The following ADD3 variants were observed in gnomAD, a reference collection of about 807,000 sequenced individuals.
ADD3 encodes the protein adducin 3, also known as gamma-adducin.
A neutral mutation model predicts 80.2 loss-of-function variants in ADD3; 25 were observed. The ratio of observed to expected loss-of-function variants is 0.31; its 90% CI spans 0.23 to 0.44. ADD3 has a LOEUF of 0.44. Ranked by LOEUF, ADD3 falls within the 20% of genes least tolerant of loss-of-function variation. The pLI is 1.00. For missense variants in ADD3, 829 were observed against 847.5 expected, an observed-to-expected ratio of 0.98 and a Z score of 0.27; for synonymous variants, 284 against 289.6, an observed-to-expected ratio of 0.98 and a Z score of 0.20.
At chr10:110,091,336 A>G (rs1206905444) in intron 1 of ADD3, among the ~76,000 whole-genome samples, 6 of 152,220 alleles carry the variant, frequency 3.9e-5, no homozygotes, top group Non-Finnish European at 7.3e-5. Context: ...TATTTGTGAG[A>G]AGAACCTTTG....
chr10:110,075,477 G>T (rs1393132246), intron 1 of ADD3: 1 of 152,154 alleles, frequency 6.6e-6, no homozygotes, highest in Non-Finnish European at 1.5e-5. Context: ...CTCTGAATGT[G>T]CAGTATCAAT....
intron 5 of ADD3, among the ~76,000 whole-genome samples, chr10:110,117,892 T>G (rs1235720634): frequency 6.6e-6 from 1 of 152,062 alleles, no homozygotes; most frequent in Non-Finnish European, 1.5e-5. Context: ...GGCACACACC[T>G]GTAATCCCGG....
At chr10:110,085,687 G>C (rs181263138) in intron 1 of ADD3, among the ~76,000 whole-genome samples, 1 of 152,200 alleles carries the variant, frequency 6.6e-6, no homozygotes, top group Non-Finnish European at 1.5e-5. Context: ...AGACTGAGAC[G>C]TGGGCCCTAG....
intron 2 of ADD3, among the ~76,000 whole-genome samples, chr10:110,108,001 A>G (rs1447263372): frequency 1.3e-5 from 2 of 152,160 alleles, no homozygotes; most frequent in Non-Finnish European, 2.9e-5. Context: ...TATCTGAGAA[A>G]GAAGACATAG....
chr10:110,054,251 T>A (rs920056034), intron 1 of ADD3, among the ~76,000 whole-genome samples: 3 of 152,100 alleles, frequency 2.0e-5, no homozygotes, highest in African/African-American at 7.2e-5. Context: ...TTTTCAGAAA[T>A]CAAGAATGTA....
chr10:110,070,985 G>T (rs1319431642), intron 1 of ADD3, among the ~76,000 whole-genome samples: 8 of 95,602 alleles, frequency 8.4e-5, no homozygotes, highest in Admixed American at 3.2e-4. Context: ...TGTTTTTGGG[G>T]GGGGGGGGTG....
intron 1 of ADD3, among the ~76,000 whole-genome samples, chr10:110,097,169 T>C (rs575213922): frequency 6.0e-4 from 92 of 152,390 alleles, no homozygotes; most frequent in African/African-American, 2.1e-3. Context: ...AGGGTTCTTA[T>C]ATTAATCTAA....
chr10:110,065,820 G>A (rs1306053304), intron 1 of ADD3, among the ~76,000 whole-genome samples: 3 of 151,730 alleles, frequency 2.0e-5, no homozygotes, highest in African/African-American at 7.3e-5. Flanking sequence ...GATTACAGGT[G>A]TGAGCCACGG....
chr10:110,112,677 T>A, intron 2 of ADD3, 100 bp from the exon 3 acceptor site: 1 of 1,357,496 alleles, frequency 7.4e-7, no homozygotes, highest in Non-Finnish European at 1.0e-6. Flanking sequence ...AGGTAAAAGC[T>A]ATTCAGAAAA....
chr10:110,027,474 A>T (rs547502463), intron 1 of ADD3, among the ~76,000 whole-genome samples: 34 of 152,398 alleles, frequency 2.2e-4, no homozygotes, highest in African/African-American at 7.7e-4. Context: ...ATTAGTTTCA[A>T]TATATTTGAT....
chr10:110,054,387 C>A (rs1857881337), intron 1 of ADD3, among the ~76,000 whole-genome samples: 1 of 150,694 alleles, frequency 6.6e-6, no homozygotes. Context: ...GATTGATAAT[C>A]TGGGACTATC....
chr10:110,034,625 C>A lies in ADD3; in HGVS notation c.-30+26326C>A, dbSNP rs183518882. Among the ~76,000 whole-genome samples, 196 of 152,228 alleles carry A rather than the reference C, an allele frequency of 1.3e-3. 1 individual carries two copies. The highest frequency in any genetic ancestry group is 4.0e-3 in the Admixed American group (61 of 15,298). On this transcript the variant is annotated intron_variant, in intron 1 of 14. Coordinates refer to ENST00000356080, the MANE Select transcript of ADD3 (RefSeq NM_016824.5). Reference sequence around the variant, plus strand: ...TTAAATGGGGCTTTGAGACTCTCAACCTAGACAATCATACTCTAAAGATAA... The same window carrying A: ...TTAAATGGGGCTTTGAGACTCTCAAACTAGACAATCATACTCTAAAGATAA...
intron 2 of ADD3, chr10:110,112,197 C>G (rs536958420): frequency 6.6e-6 from 1 of 152,400 alleles, no homozygotes; most frequent in African/African-American, 2.4e-5. Flanking sequence ...CTCGGCTCAC[C>G]ACATCCTCCT....
intron 1 of ADD3, among the ~76,000 whole-genome samples, chr10:110,052,360 C>T (rs1353377791): frequency 2.0e-5 from 3 of 152,154 alleles, no homozygotes; most frequent in East Asian, 1.9e-4. Context: ...TGTTAGGAAC[C>T]GGGCTGTGTG....
intron 1 of ADD3, among the ~76,000 whole-genome samples, chr10:110,017,612 C>T (rs1291412782): frequency 1.3e-5 from 2 of 151,960 alleles, no homozygotes; most frequent in South Asian, 2.1e-4. Flanking sequence ...TAGTTTGCTT[C>T]CTTCTAAATA....
In ADD3 at chr10:110,134,486, T is replaced by C. The variant is rs556761850; in HGVS notation, c.*868T>C. The C allele has an allele frequency of 1.3e-5, 2 of 152,684 alleles. No homozygotes were observed. The highest frequency in any genetic ancestry group is 6.5e-5 in the Admixed American group (1 of 15,298). The allele number at this position is 152,684 out of a possible 1,614,324, so 9.5% of individuals were successfully genotyped here. On this transcript the variant is annotated 3_prime_UTR_variant, in exon 15 of 15. Transcript: ENST00000356080. ...ATAACTCCAGAATCCAGGGACTTGG[T>C]GTTAAAACAGGATTAGAGCATGTAA...
intron 1 of ADD3, among the ~76,000 whole-genome samples, chr10:110,067,914 T>C (rs1844173519): frequency 6.6e-6 from 1 of 152,236 alleles, no homozygotes; most frequent in Non-Finnish European, 1.5e-5. Context: ...GATTTAGTTA[T>C]TACTTCTCTT....
intron 1 of ADD3, among the ~76,000 whole-genome samples, chr10:110,100,284 AG>A (rs1332144854): frequency 7.2e-6 from 1 of 139,776 alleles, no homozygotes; most frequent in Non-Finnish European, 1.5e-5. Context: ...CAGGAGGTGG[AG>A]GTTGCATTGA....
In ADD3 at chr10:110,068,645, G is replaced by C. The variant is rs138536223; in HGVS notation, c.-29-31980G>C. 9.8e-4 allele frequency among the ~76,000 whole-genome samples: 149 copies of C among 152,222 alleles called. 1 individual carries two copies. Among genetic ancestry groups the C allele is most frequent in the African/African-American group, 3.4e-3 (142 of 41,524 alleles). On this transcript the variant is annotated intron_variant, in intron 1 of 14. Transcript: ENST00000356080. ...AATTCATTGAGGATTTCCTACTCCA[G>C]GATTAAACTCCTGAAGTGAACGTTT...
Sources: gnomAD v4.1 joint callset for allele counts (sites outside exome capture counted in the v4.1 genomes callset) on GRCh38, gnomAD v4.1.1 for gene constraint, MANE v1.5 for transcripts, NCBI Gene and HGNC (gene_info 2026-07-23, HGNC 2026-07-21) for gene names.